Variants in KCNQ2 observed in about 807,000 individuals in gnomAD.
KCNQ2 encodes potassium voltage-gated channel subfamily KQT member 2.
KCNQ2 carries 14 observed loss-of-function variants against 84.8 expected under a neutral mutation model. The observed-to-expected ratio is 0.17, with a 90% confidence interval of 0.11 to 0.26. The LOEUF (loss-of-function observed/expected upper bound fraction) is 0.26, where lower values mean the gene tolerates loss of function less well. Among genes scored for constraint, KCNQ2 ranks in the 10% least tolerant of loss-of-function variants. KCNQ2 has a pLI of 1.00. For synonymous variants in KCNQ2, 599 were observed against 554.1 expected (o/e 1.08, Z -1.14); for missense variants, 788 against 1,254.0 (o/e 0.63, Z 5.61).
At position 63,414,232 on chromosome 20, in the gene KCNQ2, C is replaced by T. The variant is rs1225407550; in HGVS notation, c.1526-39G>A. On this transcript the variant is annotated intron_variant, in intron 13 of 16. Transcript: ENST00000359125. The surrounding 1 kb of genome is among the most constrained non-coding windows in gnomAD (Gnocchi z 6.6). ...GACAGGCCGTGAGGGGCCGAGGGGG[C>T]CGGGAGACCTATTCCCGGGGTCCTG... 5.5e-6 allele frequency: 8 copies of T among 1,458,340 alleles called. No homozygotes were observed. The East Asian group carries it at 1.4e-4, about 25-fold the overall frequency. The allele number at this position is 1,458,340 out of a possible 1,614,324, so 90.3% of individuals were successfully genotyped here. A position where few individuals can be genotyped will look rare whatever the true frequency, so the allele number is the denominator to read the frequency against.
chr20:63,421,526 T>C (rs2145599339), intron 11 of KCNQ2, among the ~76,000 whole-genome samples: 1 of 152,000 alleles, frequency 6.6e-6, no homozygotes, highest in South Asian at 2.1e-4. Flanking sequence ...CACAGGGAGC[T>C]CCACACTGCG....
intron 15 of KCNQ2, chr20:63,411,629 C>G: frequency 2.1e-6 from 1 of 467,254 alleles, no homozygotes; most frequent in Non-Finnish European, 3.8e-6. Flanking sequence ...GGCCTTCTCC[C>G]TCTTGTGGCT....
intron 1 of KCNQ2, among the ~76,000 whole-genome samples, chr20:63,452,346 C>T (rs1456899024): frequency 3.3e-5 from 5 of 152,364 alleles, no homozygotes; most frequent in South Asian, 4.1e-4. Context: ...AAACTCAGCA[C>T]GACTTCCATG....
chr20:63,467,289 G>C (rs1433189940), intron 1 of KCNQ2, among the ~76,000 whole-genome samples: 1 of 152,208 alleles, frequency 6.6e-6, no homozygotes, highest in Non-Finnish European at 1.5e-5. Flanking sequence ...ATTTTCCTAG[G>C]AGGGAACCCA....
Position 63,407,967 on chromosome 20 carries a change from A to C in KCNQ2, c.1887+446T>G. On this transcript the variant is annotated intron_variant, in intron 16 of 16. Coordinates refer to ENST00000359125, the MANE Select transcript of KCNQ2 (RefSeq NM_172107.4). This position sits in a 1 kb window ranked among gnomAD's most constrained non-coding sequence, Gnocchi z 7.2. ...ACAGGGCAGGACCTGGCAGTTCCTTACTCACTGCTCAGGCCCGGCTCTCAG... is the reference window on the plus strand; with the variant it reads ...ACAGGGCAGGACCTGGCAGTTCCTTCCTCACTGCTCAGGCCCGGCTCTCAG... 1 of 251,636 alleles carries C rather than the reference A, an allele frequency of 4.0e-6. No homozygotes were observed. Among genetic ancestry groups the C allele is most frequent in the Non-Finnish European group, 7.9e-6 (1 of 126,606 alleles). The allele number at this position is 251,636 out of a possible 1,614,324, so 15.6% of individuals were successfully genotyped here.
At position 63,465,673 on chromosome 20, in the gene KCNQ2, C is replaced by T. The variant is rs114377218; in HGVS notation, c.296+6495G>A. Among the ~76,000 whole-genome samples the T allele has an allele frequency of 9.9e-3, 1,511 of 152,338 alleles. 79 individuals are homozygous for T. The South Asian group carries it at 0.17, about 17-fold the overall frequency. ...GGCCCCTCCTCCTTCGACCTTGCATCTGTTAGGCGTGTTGAACAGGTGCCG... is the reference window on the plus strand; with the variant it reads ...GGCCCCTCCTCCTTCGACCTTGCATTTGTTAGGCGTGTTGAACAGGTGCCG... On this transcript the variant is annotated intron_variant, in intron 1 of 16. Coordinates refer to ENST00000359125, the MANE Select transcript of KCNQ2 (RefSeq NM_172107.4).
chr20:63,468,588 T>A (rs1241430272), intron 1 of KCNQ2, among the ~76,000 whole-genome samples: 2 of 152,180 alleles, frequency 1.3e-5, no homozygotes, highest in Admixed American at 1.3e-4. Context: ...CCGGGGGACT[T>A]GAACATAGGC....
intron 12 of KCNQ2, among the ~76,000 whole-genome samples, chr20:63,416,138 C>T (rs763878486): frequency 4.6e-5 from 7 of 152,212 alleles, no homozygotes; most frequent in Non-Finnish European, 7.3e-5. Context: ...AGCTGGGCCT[C>T]ACTATCCAAG....
rs905073086 is a variant in KCNQ2, at chr20:63,438,161, T to G, written c.1023+464A>C. The G allele has an allele frequency of 1.4e-5, 3 of 219,682 alleles. No individual in the cohort carries two copies. The highest frequency in any genetic ancestry group is 2.8e-5 in the Non-Finnish European group (3 of 107,716). The allele number at this position is 219,682 out of a possible 1,614,324, so 13.6% of individuals were successfully genotyped here. A position where few individuals can be genotyped will look rare whatever the true frequency, so the allele number is the denominator to read the frequency against. On this transcript the variant is annotated intron_variant, in intron 7 of 16. Coordinates refer to ENST00000359125, the MANE Select transcript of KCNQ2 (RefSeq NM_172107.4). This position sits in a 1 kb window ranked among gnomAD's most constrained non-coding sequence, Gnocchi z 5.1. The stretch of plus-strand genomic sequence containing the variant: ...CAGGAATTACTTGTGGATGCCACAG[T>G]GGTCACTGCACGCTACCCACCCCCA...
At chr20:63,419,769 G>C in intron 11 of KCNQ2, 97 bp from the exon 12 acceptor site, 1 of 1,102,864 alleles carries the variant, frequency 9.1e-7, no homozygotes, top group Non-Finnish European at 1.4e-6. Context: ...AGGGTGTTGT[G>C]TGCAGTCCCC....
chr20:63,451,948 G>A (rs755723486), intron 1 of KCNQ2, among the ~76,000 whole-genome samples: 2 of 152,212 alleles, frequency 1.3e-5, no homozygotes, highest in East Asian at 1.9e-4. Flanking sequence ...GATCTGCCCC[G>A]GGAAGGACCA....
At chr20:63,424,069 C>A (rs1278940967) in intron 11 of KCNQ2, 108 bp downstream of exon 11, 3 of 1,260,856 alleles carry the variant, frequency 2.4e-6, no homozygotes, top group Middle Eastern at 3.7e-4. Context: ...CACACGGAAG[C>A]ACACACAAGG....
chr20:63,456,965 C>G (rs1236516558), intron 1 of KCNQ2, among the ~76,000 whole-genome samples: 1 of 152,222 alleles, frequency 6.6e-6, no homozygotes, highest in Non-Finnish European at 1.5e-5. Flanking sequence ...CAGGACTGCT[C>G]GAGCCTCCCT....
rs1322500785 is a variant in KCNQ2, at chr20:63,411,430, G to A, written c.1763+2020C>T. On this transcript the variant is annotated intron_variant, in intron 15 of 16. Transcript: ENST00000359125. ...CCAGGGGGCACGGGCAGGGCCAGAG[G>A]GATGTCTGTGCAGGTCTGATGGCAT... Among the ~76,000 whole-genome samples, 3 of 152,326 alleles carry A rather than the reference G, an allele frequency of 2.0e-5. No homozygotes were observed. The East Asian group carries it at 5.8e-4, about 29-fold the overall frequency.
chr20:63,439,416 C>T (rs2081093350), intron 6 of KCNQ2, among the ~76,000 whole-genome samples, 182 bp downstream of exon 6: 1 of 152,230 alleles, frequency 6.6e-6, no homozygotes, highest in South Asian at 2.1e-4. Context: ...CCACTCCAGT[C>T]CTTGGGGAAC....
chr20:63,442,701 T>TCCCCACCACCACCACCAC (rs2081212856), intron 4 of KCNQ2, among the ~76,000 whole-genome samples, 170 bp from the exon 5 acceptor site: 1 of 48,070 alleles, frequency 2.1e-5, no homozygotes, highest in Non-Finnish European at 4.2e-5. Flanking sequence ...ATCACCACCA[T>TCCCCACCACCACCACCAC]CACCATCACC....
At chr20:63,413,655 A>T in intron 14 of KCNQ2, 74 bp from the exon 15 acceptor site, 1 of 1,550,754 alleles carries the variant, frequency 6.4e-7, no homozygotes, top group Middle Eastern at 1.9e-4. Flanking sequence ...CCTTCCTAGC[A>T]CCTCTGAGAC....
intron 10 of KCNQ2, among the ~76,000 whole-genome samples, chr20:63,427,634 A>G (rs6062930): frequency 0.3 from 45,752 of 152,110 alleles, 7,679 homozygotes; most frequent in Non-Finnish European, 0.39. Context: ...TGGCCGCATC[A>G]CTTCAGTCTC....
intron 7 of KCNQ2, among the ~76,000 whole-genome samples, chr20:63,435,853 C>T (rs1257614880): frequency 6.6e-6 from 1 of 150,722 alleles, no homozygotes; most frequent in Admixed American, 6.6e-5. Context: ...CTGCCCCTCC[C>T]TCTCCGGCAC....
Sources: allele counts gnomAD v4.1 joint callset (sites outside exome capture counted in the v4.1 genomes callset), GRCh38; gene constraint gnomAD v4.1.1; non-coding constraint Gnocchi (gnomAD v3.1); transcripts MANE v1.5; gene names NCBI Gene and HGNC (gene_info 2026-07-23, HGNC 2026-07-21).